Variants in ADAMTSL1 observed in about 807,000 individuals in gnomAD.
The protein encoded by ADAMTSL1 is ADAMTS-like protein 1.
In ADAMTSL1, 126 loss-of-function variants were observed where a neutral mutation model predicts 201.8. That is an observed-to-expected ratio of 0.62 (90% CI 0.54 to 0.72). The LOEUF is 0.72. ADAMTSL1 is among the 30% of genes least tolerant of loss of function. ADAMTSL1 has a pLI of 0.00. For missense variants in ADAMTSL1, 2,679 were observed against 2,277.8 expected (o/e 1.18, Z -3.59); for synonymous variants, 1,121 against 903.4 (o/e 1.24, Z -4.32).
chr9:18,475,506 C>T (rs1821403546), intron 1 of ADAMTSL1, among the ~76,000 whole-genome samples: 1 of 152,112 alleles, frequency 6.6e-6, no homozygotes, highest in South Asian at 2.1e-4. Context: ...AATTATAATG[C>T]TGCATTGCAA....
intron 1 of ADAMTSL1, among the ~76,000 whole-genome samples, chr9:17,993,894 C>A (rs1001424831): frequency 6.6e-6 from 1 of 152,070 alleles, no homozygotes; most frequent in Admixed American, 6.6e-5. Flanking sequence ...TAACATATCC[C>A]TTAAAAATGA....
intron 1 of ADAMTSL1, among the ~76,000 whole-genome samples, chr9:17,911,178 T>G (rs1825895220): frequency 1.5e-5 from 1 of 68,852 alleles, no homozygotes; most frequent in Admixed American, 1.8e-4. Context: ...CTGACTGAAT[T>G]ACACTTCTTA....
chr9:18,882,612 G>C (rs1270237615), intron 23 of ADAMTSL1, among the ~76,000 whole-genome samples: 3 of 152,122 alleles, frequency 2.0e-5, no homozygotes, highest in Non-Finnish European at 4.4e-5. Flanking sequence ...CAGGAGTGCA[G>C]TGACACCACC....
At chr9:18,740,668 G>C (rs937036680) in intron 15 of ADAMTSL1, among the ~76,000 whole-genome samples, 3 of 151,650 alleles carry the variant, frequency 2.0e-5, no homozygotes, top group Non-Finnish European at 4.4e-5. Context: ...ATAGAGACAG[G>C]GTTTCACCAT....
At chr9:18,546,110 A>G (rs564887450) in intron 3 of ADAMTSL1, among the ~76,000 whole-genome samples, 1 of 152,286 alleles carries the variant, frequency 6.6e-6, no homozygotes, top group South Asian at 2.1e-4. Flanking sequence ...CATTTTAAAC[A>G]TTCTCTTTCT....
intron 4 of ADAMTSL1, among the ~76,000 whole-genome samples, chr9:18,615,564 T>C (rs1456114700): frequency 6.6e-6 from 1 of 152,198 alleles, no homozygotes; most frequent in Non-Finnish European, 1.5e-5. Context: ...CTATAATTTA[T>C]AGTCAAAAAA....
At position 18,353,431 on chromosome 9, in the gene ADAMTSL1, G is replaced by C. The variant is rs141073162; in HGVS notation, c.208-151398G>C. On this transcript the variant is annotated intron_variant, in intron 2 of 29. Transcript: ENST00000680146. ...GATCAATAACTTTACATACTTTTGA[G>C]ATAAATTCGTGGACATCCATAATAT... Among the ~76,000 whole-genome samples the C allele has an allele frequency of 5.2e-3, 786 of 152,284 alleles. 3 individuals carry two copies. The highest frequency in any genetic ancestry group is 0.014 in the Middle Eastern group (4 of 292).
At chr9:17,981,176 C>T (rs7023526) in intron 1 of ADAMTSL1, among the ~76,000 whole-genome samples, 32,286 of 152,092 alleles carry the variant, frequency 0.21, 3,632 homozygotes, top group Middle Eastern at 0.27. Flanking sequence ...GAAGGTGGCC[C>T]TCTGAAAACC....
At chr9:18,255,941 G>A (rs1455380913) in intron 2 of ADAMTSL1, among the ~76,000 whole-genome samples, 3 of 152,166 alleles carry the variant, frequency 2.0e-5, no homozygotes, top group Non-Finnish European at 4.4e-5. Context: ...TTTCTCATAT[G>A]CAACTGACTT....
intron 1 of ADAMTSL1, among the ~76,000 whole-genome samples, chr9:18,029,318 T>C (rs548632221): frequency 1.2e-4 from 19 of 152,268 alleles, no homozygotes; most frequent in South Asian, 2.1e-4. Context: ...ATTTAATAAA[T>C]GGTGCTGGGA....
At chr9:18,663,562 A>G (rs527420869) in intron 9 of ADAMTSL1, among the ~76,000 whole-genome samples, 50 of 152,272 alleles carry the variant, frequency 3.3e-4, no homozygotes, top group African/African-American at 1.2e-3. Flanking sequence ...TAGGAAGACC[A>G]GTGTGTGAAA....
chr9:18,353,043 G>C (rs761648861), intron 2 of ADAMTSL1, among the ~76,000 whole-genome samples: 2 of 152,162 alleles, frequency 1.3e-5, no homozygotes, highest in African/African-American at 2.4e-5. Context: ...CCCACTGAGC[G>C]CTCCTAAAGC....
At chr9:18,489,127 C>A (rs1822142203) in intron 1 of ADAMTSL1, among the ~76,000 whole-genome samples, 1 of 152,168 alleles carries the variant, frequency 6.6e-6, no homozygotes, top group Non-Finnish European at 1.5e-5. Flanking sequence ...GCAATTTTCC[C>A]AGGTAATTTG....
At chr9:18,283,672 G>T (rs1463888978) in intron 2 of ADAMTSL1, among the ~76,000 whole-genome samples, 1 of 148,812 alleles carries the variant, frequency 6.7e-6, no homozygotes, top group African/African-American at 2.5e-5. Flanking sequence ...TAGCACTTTG[G>T]GAGACTGAGG....
chr9:18,119,096 G>A (rs1226787161), intron 1 of ADAMTSL1, among the ~76,000 whole-genome samples: 1 of 152,130 alleles, frequency 6.6e-6, no homozygotes, highest in African/African-American at 2.4e-5. Flanking sequence ...AATAATCATT[G>A]TATCCATTTC....
intron 3 of ADAMTSL1, among the ~76,000 whole-genome samples, chr9:18,563,887 G>A (rs575420877): frequency 2.0e-5 from 3 of 152,304 alleles, no homozygotes; most frequent in East Asian, 1.9e-4. Flanking sequence ...ATTTCAGGTC[G>A]ACTTCAGACT....
intron 1 of ADAMTSL1, among the ~76,000 whole-genome samples, chr9:18,497,648 T>C (rs969188899): frequency 5.3e-5 from 8 of 152,246 alleles, no homozygotes; most frequent in Non-Finnish European, 7.3e-5. Context: ...AATGATCAAA[T>C]ATTTTATCTA....
intron 2 of ADAMTSL1, among the ~76,000 whole-genome samples, chr9:18,246,330 A>T (rs993425865): frequency 1.3e-5 from 2 of 152,140 alleles, no homozygotes; most frequent in Admixed American, 1.3e-4. Flanking sequence ...TTCCAGTTTT[A>T]GAAAAGTCAT....
chr9:18,650,482 G>C (rs184455814), intron 7 of ADAMTSL1, among the ~76,000 whole-genome samples: 1 of 152,112 alleles, frequency 6.6e-6, no homozygotes, highest in African/African-American at 2.4e-5. Context: ...CGTCTTCTGC[G>C]TAGCTCACGG....
Sources: allele counts gnomAD v4.1 joint callset (sites outside exome capture counted in the v4.1 genomes callset), GRCh38; gene constraint gnomAD v4.1.1; transcripts MANE v1.5; gene names NCBI Gene and HGNC (gene_info 2026-07-23, HGNC 2026-07-21).